The following SORL1 variants were observed in gnomAD, a reference collection of about 807,000 sequenced individuals.
SORL1 encodes sortilin related receptor 1, also known as sortilin-related receptor.
SORL1 carries 127 observed loss-of-function variants against 273.7 expected under a neutral mutation model. That is an observed-to-expected ratio of 0.46 (90% CI 0.40 to 0.54). SORL1 has a LOEUF of 0.54. SORL1 is among the 20% of genes least tolerant of loss of function. SORL1 has a pLI of 0.00. For missense variants in SORL1, 2,494 were observed against 2,846.1 expected, an observed-to-expected ratio of 0.88 and a Z score of 2.81; for synonymous variants, 1,031 against 1,067.4, an observed-to-expected ratio of 0.97 and a Z score of 0.66.
At chr11:121,621,781 G>A (rs1244617338) in intron 44 of SORL1, among the ~76,000 whole-genome samples, 1 of 152,228 alleles carries the variant, frequency 6.6e-6, no homozygotes, top group Non-Finnish European at 1.5e-5. Flanking sequence ...CCCCATTTAT[G>A]CTGGTGGCGT....
At position 121,538,314 on chromosome 11, in the gene SORL1, C is replaced by G. The variant is rs74893362; in HGVS notation, c.1686-5234C>G. Among the ~76,000 whole-genome samples the G allele has an allele frequency of 2.4e-4, 37 of 152,182 alleles. No individual in the cohort carries two copies. In the South Asian group the frequency reaches 7.3e-3, roughly 30 times the overall value. On this transcript the variant is annotated intron_variant, in intron 12 of 47. Coordinates refer to ENST00000260197, the MANE Select transcript of SORL1 (RefSeq NM_003105.6). ...TTTCCATCAGTCCAGAAAATACTCA[C>G]GTGCCCCTTTCCAGTCAGTGCTCTC...
In SORL1 at chr11:121,627,909, T is replaced by G; in HGVS notation, c.6577+142T>G. Reference sequence around the variant, plus strand: ...TCAGCCAGCGATTTGATTCCATGAGTTTTGGTTAAACCATTCAGAGCCCTC... The same window carrying G: ...TCAGCCAGCGATTTGATTCCATGAGGTTTGGTTAAACCATTCAGAGCCCTC... On this transcript the variant is annotated intron_variant, in intron 47 of 47. Coordinates refer to ENST00000260197, the MANE Select transcript of SORL1 (RefSeq NM_003105.6). This position sits in a 1 kb window ranked among gnomAD's most constrained non-coding sequence, Gnocchi z 4.9. 1.6e-6 allele frequency: 1 copy of G among 623,588 alleles called. No individual in the cohort carries two copies. The highest frequency in any genetic ancestry group is 2.8e-6 in the Non-Finnish European group (1 of 357,386). The allele number at this position is 623,588 out of a possible 1,614,324, so 38.6% of individuals were successfully genotyped here.
In SORL1 at chr11:121,596,767, A is replaced by G. The variant is rs976612077; in HGVS notation, c.4519+995A>G. Among the ~76,000 whole-genome samples the G allele has an allele frequency of 4.6e-5, 7 of 152,070 alleles. No homozygotes were observed. The highest frequency in any genetic ancestry group is 7.2e-5 in the African/African-American group (3 of 41,388). ...CTCTGCTGAGAGCCTCCCTGCCGCC[A>G]AGCCCTAACCCTAAGCAGCAAACGC... is the stretch of plus-strand genomic sequence containing the variant. On this transcript the variant is annotated intron_variant, in intron 32 of 47. Coordinates refer to ENST00000260197, the MANE Select transcript of SORL1 (RefSeq NM_003105.6). This position sits in a 1 kb window ranked among gnomAD's most constrained non-coding sequence, Gnocchi z 4.3.
intron 45 of SORL1, among the ~76,000 whole-genome samples, chr11:121,623,021 T>C (rs1863745469): frequency 6.6e-6 from 1 of 152,260 alleles, no homozygotes; most frequent in African/African-American, 2.4e-5. Context: ...AAATTAAAAT[T>C]GGAAAATTCT....
intron 5 of SORL1, among the ~76,000 whole-genome samples, chr11:121,494,261 G>A (rs1861596483): frequency 6.6e-6 from 1 of 152,152 alleles, no homozygotes; most frequent in South Asian, 2.1e-4. Flanking sequence ...ATGACATGTC[G>A]GTTAGGGGAT....
In SORL1 at chr11:121,604,322, G is replaced by A. The variant is rs1390322761; in HGVS notation, c.4649G>A (p.Ser1550Asn). Reference protein sequence around the residue: ...CSDESDEKACSDELTVYKVQN... With the variant: ...CSDESDEKACNDELTVYKVQN... ...GACGAGAGCGATGAAAAGGCCTGCAGTGGTGAGTGCCGGTCCACGGGCTGG... is the reference window on the plus strand; with the variant it reads ...GACGAGAGCGATGAAAAGGCCTGCAATGGTGAGTGCCGGTCCACGGGCTGG... The change falls in exon 33 of 48, where the codon AGT becomes AAT. Residue 1550 changes from serine to asparagine, a missense_variant and splice_region_variant. Coordinates refer to ENST00000260197, the MANE Select transcript of SORL1 (RefSeq NM_003105.6). The A allele has an allele frequency of 1.2e-6, 2 of 1,613,436 alleles. No individual in the cohort carries two copies. Among genetic ancestry groups the A allele is most frequent in the African/African-American group, 1.3e-5 (1 of 74,940 alleles).
At chr11:121,582,530 G>A (rs961211933) in intron 25 of SORL1, among the ~76,000 whole-genome samples, 58 of 152,358 alleles carry the variant, frequency 3.8e-4, no homozygotes, top group African/African-American at 1.3e-3. Context: ...GGAGAGGACC[G>A]TTAGGAGTGT....
At chr11:121,513,664 G>T (rs1861911236) in intron 7 of SORL1, among the ~76,000 whole-genome samples, 1 of 152,180 alleles carries the variant, frequency 6.6e-6, no homozygotes, top group Non-Finnish European at 1.5e-5. Context: ...CTTGACATTG[G>T]CAGGTGGTTT....
At chr11:121,556,103 C>T (rs1257078657) in intron 18 of SORL1, among the ~76,000 whole-genome samples, 7 of 152,210 alleles carry the variant, frequency 4.6e-5, no homozygotes, top group Admixed American at 1.3e-4. Flanking sequence ...TTCTAAACTT[C>T]AGTTGCTTCA....
chr11:121,623,670 G>C (rs907850448), intron 45 of SORL1, among the ~76,000 whole-genome samples: 1 of 152,220 alleles, frequency 6.6e-6, no homozygotes, highest in Admixed American at 6.5e-5. Flanking sequence ...TGAGATTCCA[G>C]GCAGGTATTG....
At chr11:121,589,175 CCCCCT>C (rs1424316518) in intron 28 of SORL1, 79 bp from the exon 29 acceptor site, 2 of 1,492,106 alleles carry the variant, frequency 1.3e-6, no homozygotes, top group Admixed American at 3.4e-5. Flanking sequence ...CACTGCTGTT[CCCCCT>C]TGCTTCTGGG....
chr11:121,572,924 T>G (rs1862866426), intron 23 of SORL1, among the ~76,000 whole-genome samples: 1 of 152,182 alleles, frequency 6.6e-6, no homozygotes, highest in Non-Finnish European at 1.5e-5. Context: ...ACGGCAGCAT[T>G]GCTATTTGGC....
chr11:121,490,530 G>A (rs1188796643), intron 5 of SORL1, among the ~76,000 whole-genome samples: 1 of 151,960 alleles, frequency 6.6e-6, no homozygotes, highest in South Asian at 2.1e-4. Flanking sequence ...ACCTGAGCTC[G>A]GGAGTTCAAG....
At chr11:121,542,817 T>A (rs1163123862) in intron 12 of SORL1, among the ~76,000 whole-genome samples, 1 of 149,040 alleles carries the variant, frequency 6.7e-6, no homozygotes, top group East Asian at 1.9e-4. Context: ...TCTGTAATTA[T>A]ATTATATTAT....
chr11:121,601,846 A>C (rs1482250467), intron 32 of SORL1, among the ~76,000 whole-genome samples: 1 of 152,192 alleles, frequency 6.6e-6, no homozygotes, highest in East Asian at 1.9e-4. Flanking sequence ...ATTGTTACCC[A>C]GTAGAATACT....
At chr11:121,506,798 A>T (rs1186952587) in intron 6 of SORL1, among the ~76,000 whole-genome samples, 2 of 152,214 alleles carry the variant, frequency 1.3e-5, no homozygotes, top group Non-Finnish European at 2.9e-5. Context: ...CATTTAATGT[A>T]ATTACTGAAA....
intron 45 of SORL1, among the ~76,000 whole-genome samples, chr11:121,622,784 G>T (rs1257236341): frequency 2.6e-5 from 4 of 152,220 alleles, no homozygotes; most frequent in Non-Finnish European, 5.9e-5. Flanking sequence ...CTATTGGTAG[G>T]CCAATATGGT....
chr11:121,622,433 A>G (rs1446821962), intron 45 of SORL1, among the ~76,000 whole-genome samples, 165 bp downstream of exon 45: 1 of 152,230 alleles, frequency 6.6e-6, no homozygotes, highest in Non-Finnish European at 1.5e-5. Context: ...TTTCAGTGGG[A>G]TTGCTAATTA....
chr11:121,517,386 A>G (rs1034709071), intron 8 of SORL1, among the ~76,000 whole-genome samples: 1 of 152,196 alleles, frequency 6.6e-6, no homozygotes, highest in African/African-American at 2.4e-5. Context: ...AATGTTTTCA[A>G]GGTTCATCCG....
Sources: allele counts gnomAD v4.1 joint callset (sites outside exome capture counted in the v4.1 genomes callset), GRCh38; gene constraint gnomAD v4.1.1; non-coding constraint Gnocchi (gnomAD v3.1); transcripts MANE v1.5; gene names NCBI Gene and HGNC (gene_info 2026-07-23, HGNC 2026-07-21).